The following PIGN variants were observed in gnomAD, a reference collection of about 807,000 sequenced individuals.
PIGN encodes phosphatidylinositol glycan anchor biosynthesis class N.
In PIGN, 117 loss-of-function variants were observed where a neutral mutation model predicts 125.4. The ratio of observed to expected loss-of-function variants is 0.93; its 90% CI spans 0.80 to 1.09. The LOEUF (loss-of-function observed/expected upper bound fraction) is 1.09. Among genes scored for constraint, PIGN ranks in the 50% least tolerant of loss-of-function variants. The pLI, the probability that PIGN is intolerant of heterozygous loss-of-function variation, is 0.00. For synonymous variants in PIGN, 392 were observed against 377.8 expected (o/e 1.04, Z -0.44); for missense variants, 1,075 against 1,094.9 (o/e 0.98, Z 0.26).
At chr18:62,051,600 T>G (rs1253505818) in intron 30 of PIGN, among the ~76,000 whole-genome samples, 2 of 152,178 alleles carry the variant, frequency 1.3e-5, no homozygotes, top group Non-Finnish European at 2.9e-5. Flanking sequence ...CTTTTCTTCT[T>G]TATTAGTCTT....
chr18:62,092,662 A>C (rs1391030743), intron 23 of PIGN, among the ~76,000 whole-genome samples: 2 of 152,112 alleles, frequency 1.3e-5, no homozygotes, highest in Non-Finnish European at 2.9e-5. Context: ...CTATGTTAAA[A>C]AGACAAATAC....
At chr18:62,097,113 A>C (rs1254119745) in intron 22 of PIGN, among the ~76,000 whole-genome samples, 1 of 147,470 alleles carries the variant, frequency 6.8e-6, no homozygotes, top group African/African-American at 2.5e-5. Context: ...CAGCAAAAGA[A>C]ACTACCATCA....
Position 62,105,646 on chromosome 18 carries a change from A to AGG in PIGN, c.1768-13_1768-12insCC. 1 of 1,491,734 alleles carries AGG rather than the reference A, an allele frequency of 6.7e-7. No individual in the cohort carries two copies. The highest frequency in any genetic ancestry group is 9.1e-7 in the Non-Finnish European group (1 of 1,098,612). The allele number at this position is 1,491,734 out of a possible 1,614,324, so 92.4% of individuals were successfully genotyped here. On this transcript the variant is annotated splice_polypyrimidine_tract_variant and intron_variant, in intron 19 of 30. Coordinates refer to ENST00000640252, the MANE Select transcript of PIGN (RefSeq NM_176787.5). Reference sequence around the variant, plus strand: ...CTCAGTGAGGTCATCTAAAATCAAGAAAAAAGTTATCTTTAGACAAATATG... The same window carrying AGG: ...CTCAGTGAGGTCATCTAAAATCAAGAGGAAAAAGTTATCTTTAGACAAATATG...
At position 62,139,109 on chromosome 18, in the gene PIGN, T is replaced by A. The variant is rs75330176; in HGVS notation, c.1024-34A>T. 47,710 of 1,292,244 alleles carry A rather than the reference T, an allele frequency of 0.037. 1,590 individuals carry two copies. Among genetic ancestry groups the A allele is most frequent in the African/African-American group, 0.16 (11,342 of 68,958 alleles). 80.0% of individuals were successfully genotyped at this position (1,292,244 alleles called of 1,614,324 possible). ...AACAAACACCAGCTTATTGATAGTA[T>A]TCAGACAGCTCAGGCTATCCTTATA... On this transcript the variant is annotated intron_variant, in intron 12 of 30. Transcript: ENST00000640252.
chr18:62,156,982 T>C (rs559289080), intron 6 of PIGN, 147 bp downstream of exon 6: 4 of 515,472 alleles, frequency 7.8e-6, no homozygotes, highest in African/African-American at 5.8e-5. Flanking sequence ...AAAAATACTG[T>C]AATTAAACAT....
At chr18:62,148,180 C>T in intron 8 of PIGN, 34 bp downstream of exon 8, 1 of 1,478,734 alleles carries the variant, frequency 6.8e-7, no homozygotes, top group Non-Finnish European at 9.0e-7. Context: ...AGCTGTTGCC[C>T]TAAAAAATAC....
rs1555696900 is a variant in PIGN at position 62,157,720 on chromosome 18, C to G, written c.310G>C (p.Gly104Arg). 1 of 1,612,106 alleles carries G rather than the reference C, an allele frequency of 6.2e-7. No homozygotes were observed. The highest frequency in any genetic ancestry group is 8.5e-7 in the Non-Finnish European group (1 of 1,178,964). Residue 104 changes from glycine to arginine, a missense_variant, in exon 5 of 31, where the codon GGG becomes CGG. Gly to Arg is a moderately radical substitution (Grantham distance 125). Around this residue, in one of 3 missense-constraint regions of PIGN, gnomAD observed 152 missense variants for 162.9 expected, o/e 0.93. Coordinates refer to ENST00000640252, the MANE Select transcript of PIGN (RefSeq NM_176787.5). ...ACTGCACTGACATCTTCATAAAACC[C>G]AGCTATCAGAGCTACATGACCTGGC... ...SRPGHVALIA[G>R]FYEDVSAVAK...
intron 7 of PIGN, among the ~76,000 whole-genome samples, chr18:62,150,411 G>A (rs942500598): frequency 1.3e-5 from 2 of 152,236 alleles, no homozygotes; most frequent in African/African-American, 4.8e-5. Flanking sequence ...AGGGAATATA[G>A]AGGAGGGTTA....
chr18:62,108,630 G>A lies in PIGN; in HGVS notation c.1574+1204C>T, dbSNP rs552706112. Among the ~76,000 whole-genome samples, 10 of 150,882 alleles carry A rather than the reference G, an allele frequency of 6.6e-5. No homozygotes were observed. The East Asian group carries it at 7.8e-4, about 12-fold the overall frequency. On this transcript the variant is annotated intron_variant, in intron 17 of 30. Transcript: ENST00000640252. ...TTTTGAGACAGAGTCTCACTCTGTCGCTCAGGCTGGAGTGCAGTGGTGCAA... is the reference window on the plus strand; with the variant it reads ...TTTTGAGACAGAGTCTCACTCTGTCACTCAGGCTGGAGTGCAGTGGTGCAA...
chr18:62,018,698 T>C (rs1436503280), intron 23 of PIGN, among the ~76,000 whole-genome samples: 1 of 152,150 alleles, frequency 6.6e-6, no homozygotes, highest in African/African-American at 2.4e-5. Context: ...GAGGAAGCAG[T>C]ACATTTTCCA....
intron 30 of PIGN, among the ~76,000 whole-genome samples, chr18:62,063,255 T>C (rs1165364350): frequency 6.6e-6 from 1 of 151,070 alleles, no homozygotes; most frequent in Non-Finnish European, 1.5e-5. Flanking sequence ...TATGGTTTTA[T>C]AGATTTTAGC....
chr18:62,075,727 G>A (rs754105140), intron 28 of PIGN: 1 of 152,136 alleles, frequency 6.6e-6, no homozygotes, highest in Admixed American at 6.5e-5. Context: ...CATCAAGAGT[G>A]CAATTGCTAG....
rs2030640045 is a variant in PIGN at position 62,045,914 on chromosome 18, T to C, written c.2738A>G (p.Gln913Arg). 1 of 1,613,798 alleles carries C rather than the reference T, an allele frequency of 6.2e-7. No homozygotes were observed. Among genetic ancestry groups the C allele is most frequent in the Non-Finnish European group, 8.5e-7 (1 of 1,179,796 alleles). ...IFLVFLNGLA[Q>R]LLTTKKLRLC... ...TCTGAGTTTCTTCGTTGTGAGCAGC[T>C]GGGCCAGGCCATTGAGGAACACCAA... Residue 913 changes from glutamine to arginine, a missense_variant, in exon 31 of 31, where the codon CAG (glutamine) becomes CGG (arginine). Physicochemically the swap from Gln to Arg is conservative, Grantham distance 43. Coordinates refer to ENST00000640252, the MANE Select transcript of PIGN (RefSeq NM_176787.5).
At chr18:62,169,074 T>C (rs1378116093) in intron 1 of PIGN, among the ~76,000 whole-genome samples, 1 of 152,100 alleles carries the variant, frequency 6.6e-6, no homozygotes, top group Non-Finnish European at 1.5e-5. Flanking sequence ...AGGCTGGTCT[T>C]GGAACTCCTG....
intron 17 of PIGN, among the ~76,000 whole-genome samples, chr18:62,109,506 C>T (rs2034789320): frequency 6.6e-6 from 1 of 152,120 alleles, no homozygotes; most frequent in Non-Finnish European, 1.5e-5. Flanking sequence ...GACACAAGTT[C>T]AAAATGCAAG....
intron 14 of PIGN, among the ~76,000 whole-genome samples, chr18:62,127,383 C>T (rs1332045709): frequency 6.6e-6 from 1 of 152,078 alleles, no homozygotes; most frequent in Non-Finnish European, 1.5e-5. Context: ...TGCTGAATAT[C>T]TCATGTAATT....
At chr18:62,067,482 A>G (rs62095275) in intron 30 of PIGN, among the ~76,000 whole-genome samples, 25,733 of 152,162 alleles carry the variant, frequency 0.17, 2,932 homozygotes, top group Middle Eastern at 0.28. Flanking sequence ...TTTGTGGTCA[A>G]TCATACCCCA....
At chr18:62,144,528 C>T (rs923865520) in intron 10 of PIGN, among the ~76,000 whole-genome samples, 9 of 152,174 alleles carry the variant, frequency 5.9e-5, no homozygotes, top group South Asian at 2.1e-4. Flanking sequence ...AAACAAGCTA[C>T]GCTCTTTCTA....
chr18:62,167,144 T>A (rs925383859), intron 1 of PIGN, among the ~76,000 whole-genome samples: 3 of 152,194 alleles, frequency 2.0e-5, no homozygotes, highest in African/African-American at 7.2e-5. Context: ...GACTGACACC[T>A]CGTTCTCTCC....
Sources: gnomAD v4.1 joint callset for allele counts (sites outside exome capture counted in the v4.1 genomes callset) on GRCh38, gnomAD v4.1.1 for gene constraint, gnomAD v4.1.1 regional missense constraint, MANE v1.5 for transcripts, NCBI Gene and HGNC (gene_info 2026-07-23, HGNC 2026-07-21) for gene names.